MNAT1: variants seen among roughly 807,000 people sequenced by gnomAD.
The protein encoded by MNAT1 is CDK-activating kinase assembly factor MAT1.
MNAT1 carries 43 observed loss-of-function variants against 42.0 expected under a neutral mutation model. The ratio of observed to expected loss-of-function variants is 1.02; its 90% confidence interval spans 0.80 to 1.32. The LOEUF is 1.32. Ranked by LOEUF, MNAT1 falls within the 40% of genes most tolerant of loss-of-function variation. The probability of loss-of-function intolerance (pLI) is 0.00; values close to 1 mark genes in which losing one functional copy is unlikely to be tolerated. For synonymous variants in MNAT1, 118 were observed against 120.0 expected, an observed-to-expected ratio of 0.98 and a Z score of 0.11; for missense variants, 306 against 350.4, an observed-to-expected ratio of 0.87 and a Z score of 1.01.
In MNAT1 at chr14:60,776,570, TG is replaced by T. The variant is rs200779652; in HGVS notation, c.90-19639del. Among the ~76,000 whole-genome samples the T allele has an allele frequency of 5.3e-5, 8 of 151,254 alleles. No homozygotes were observed. The East Asian group carries it at 9.7e-4, about 18-fold the overall frequency. ...ATAAGCCAGATGCTGAAAACTGTCC[TG>T]GGGGGGGAGGAGCAGATACTTTTAG... On this transcript the variant is annotated intron_variant, in intron 1 of 7. Transcript: ENST00000261245.
chr14:60,960,645 C>T (rs1202977401), intron 7 of MNAT1, among the ~76,000 whole-genome samples: 1 of 152,142 alleles, frequency 6.6e-6, no homozygotes, highest in Non-Finnish European at 1.5e-5. Flanking sequence ...TTCTATTTCT[C>T]TGTGAGGGCA....
At chr14:60,931,857 T>A (rs1397741225) in intron 7 of MNAT1, among the ~76,000 whole-genome samples, 1 of 152,044 alleles carries the variant, frequency 6.6e-6, no homozygotes, top group African/African-American at 2.4e-5. Flanking sequence ...AAAGTTTTTT[T>A]TTAAAAAAAC....
At chr14:60,835,728 G>A (rs1019207823) in intron 6 of MNAT1, among the ~76,000 whole-genome samples, 2 of 152,182 alleles carry the variant, frequency 1.3e-5, no homozygotes, top group Non-Finnish European at 1.5e-5. Flanking sequence ...TGCTCTTTTC[G>A]AGGATTATCT....
At chr14:60,933,512 T>C (rs1260291542) in intron 7 of MNAT1, among the ~76,000 whole-genome samples, 1 of 152,178 alleles carries the variant, frequency 6.6e-6, no homozygotes, top group Non-Finnish European at 1.5e-5. Context: ...GGTTAAATTC[T>C]TAAAAAGAAT....
At chr14:60,837,436 C>T (rs762919180) in intron 6 of MNAT1, among the ~76,000 whole-genome samples, 6 of 152,158 alleles carry the variant, frequency 3.9e-5, no homozygotes, top group South Asian at 4.1e-4. Context: ...CCGTTCCTCA[C>T]GGTGCAGTCC....
chr14:60,828,513 CTT>C (rs2033120291), intron 6 of MNAT1, among the ~76,000 whole-genome samples: 3 of 150,562 alleles, frequency 2.0e-5, no homozygotes, highest in African/African-American at 7.3e-5. Flanking sequence ...GCACAGAACA[CTT>C]TTGGTCACCA....
At chr14:60,853,442 T>C (rs527474173) in intron 6 of MNAT1, among the ~76,000 whole-genome samples, 1 of 152,296 alleles carries the variant, frequency 6.6e-6, no homozygotes, top group East Asian at 1.9e-4. Context: ...AAGGAGTTTT[T>C]GGGGTGAGAT....
Position 60,855,460 on chromosome 14 carries a change from GA to G in MNAT1, c.688-24252del, listed in dbSNP as rs554595539. ...GCCCTGGTGGTGTAGGCACATGAAG[GA>G]ATCTCCTGATTTGCACATTGCAAAA... On this transcript the variant is annotated intron_variant, in intron 6 of 7. Coordinates refer to ENST00000261245, the MANE Select transcript of MNAT1 (RefSeq NM_002431.4). Among the ~76,000 whole-genome samples the G allele has an allele frequency of 1.3e-3, 196 of 152,180 alleles. 1 individual carries two copies. Among genetic ancestry groups the G allele is most frequent in the Non-Finnish European group, 2.4e-3 (161 of 68,036 alleles).
intron 1 of MNAT1, among the ~76,000 whole-genome samples, chr14:60,770,166 A>AT (rs2030997177): frequency 6.6e-6 from 1 of 152,182 alleles, no homozygotes; most frequent in African/African-American, 2.4e-5. Flanking sequence ...GATACTTCAT[A>AT]CAAGTGGAAT....
At chr14:60,861,298 A>G in intron 6 of MNAT1, among the ~76,000 whole-genome samples, 1 of 152,210 alleles carries the variant, frequency 6.6e-6, no homozygotes, top group Admixed American at 6.5e-5. Context: ...ATGAACATTT[A>G]CATGAATTCA....
Position 60,798,133 on chromosome 14 carries a change from G to T in MNAT1, c.289G>T (p.Asp97Tyr). ...TTTTCCTAGTCTAAGAGAATACAAT[G>T]ATTTCTTGGAAGAAGTGGAAGAAAT... Reference protein sequence around the residue: ...EDFPSLREYNDFLEEVEEIVF... With the variant: ...EDFPSLREYNYFLEEVEEIVF... Residue 97 changes from aspartate (D) to tyrosine (Y), a missense_variant, in exon 3 of 8, where the codon GAT becomes TAT. Asp to Tyr is a radical substitution (Grantham distance 160). This residue lies in a region of MNAT1 where 118 missense variants were observed against 99.8 expected (regional missense o/e 1.18). Coordinates refer to ENST00000261245, the MANE Select transcript of MNAT1 (RefSeq NM_002431.4). The T allele has an allele frequency of 1.3e-6, 2 of 1,519,230 alleles. No homozygotes were observed. Among genetic ancestry groups the T allele is most frequent in the South Asian group, 1.1e-5 (1 of 88,618 alleles). The allele number at this position is 1,519,230 out of a possible 1,614,324, so 94.1% of individuals were successfully genotyped here.
At chr14:60,849,843 T>C (rs1443754562) in intron 6 of MNAT1, among the ~76,000 whole-genome samples, 1 of 152,074 alleles carries the variant, frequency 6.6e-6, no homozygotes, top group Non-Finnish European at 1.5e-5. Context: ...TTTCTTTCTT[T>C]CTTTTTTTTT....
At chr14:60,735,740 G>A (rs1190275781) in intron 1 of MNAT1, among the ~76,000 whole-genome samples, 3 of 152,196 alleles carry the variant, frequency 2.0e-5, no homozygotes, top group Non-Finnish European at 4.4e-5. Flanking sequence ...GAGGGAGGTT[G>A]AGTTTGTGTA....
intron 6 of MNAT1, among the ~76,000 whole-genome samples, chr14:60,860,075 G>C (rs1434030950): frequency 1.3e-5 from 2 of 152,134 alleles, no homozygotes; most frequent in African/African-American, 4.8e-5. Context: ...TATATTGTCA[G>C]TCTTAAACTG....
At chr14:60,849,410 T>C (rs1464554960) in intron 6 of MNAT1, among the ~76,000 whole-genome samples, 1 of 152,228 alleles carries the variant, frequency 6.6e-6, no homozygotes, top group Admixed American at 6.5e-5. Flanking sequence ...TTCTGAATCC[T>C]GATAGTCTTG....
intron 7 of MNAT1, among the ~76,000 whole-genome samples, chr14:60,940,959 C>T (rs2036144354): frequency 6.6e-6 from 1 of 152,038 alleles, no homozygotes; most frequent in South Asian, 2.1e-4. Flanking sequence ...ATTTGAAACT[C>T]TAGATAATGT....
chr14:60,799,193 C>T (rs1000727624), intron 3 of MNAT1: 1 of 952,210 alleles, frequency 1.1e-6, no homozygotes, highest in Admixed American at 6.2e-5. Context: ...TGGGATCTTT[C>T]AGTGCCATAA....
intron 6 of MNAT1, among the ~76,000 whole-genome samples, chr14:60,819,307 G>A (rs929623225): frequency 3.3e-5 from 5 of 151,014 alleles, no homozygotes; most frequent in Admixed American, 6.6e-5. Flanking sequence ...ATTTTATATT[G>A]TATTGTTATA....
intron 6 of MNAT1, 60 bp from the exon 7 acceptor site, chr14:60,879,654 A>G: frequency 6.8e-7 from 1 of 1,471,340 alleles, no homozygotes; most frequent in South Asian, 1.2e-5. Flanking sequence ...AATGATTATA[A>G]ATAAGTAGCA....
Sources: gnomAD v4.1 joint callset for allele counts (sites outside exome capture counted in the v4.1 genomes callset) on GRCh38, gnomAD v4.1.1 for gene constraint, gnomAD v4.1.1 regional missense constraint, MANE v1.5 for transcripts, NCBI Gene and HGNC (gene_info 2026-07-23, HGNC 2026-07-21) for gene names.